EFCAB11: variants seen among roughly 807,000 people sequenced by gnomAD.
The protein encoded by EFCAB11 is EF-hand calcium binding domain 11, also known as EF-hand calcium-binding domain-containing protein 11.
EFCAB11 carries 14 observed loss-of-function variants against 23.0 expected under a neutral mutation model. The observed-to-expected ratio is 0.61, with a 90% CI of 0.40 to 0.95. EFCAB11 has a LOEUF of 0.95. EFCAB11 is among the 40% of genes least tolerant of loss of function. The pLI is 0.00. For missense variants in EFCAB11, 198 were observed against 195.8 expected (o/e 1.01, Z -0.07); for synonymous variants, 65 against 66.6 (o/e 0.98, Z 0.11).
intron 5 of EFCAB11, among the ~76,000 whole-genome samples, chr14:89,815,074 G>C (rs1384410475): frequency 1.3e-5 from 2 of 152,166 alleles, no homozygotes; most frequent in Non-Finnish European, 2.9e-5. Context: ...TTGGTGTGCA[G>C]TTAGCTTAAA....
At chr14:89,868,852 G>A (rs1022632499) in intron 5 of EFCAB11, among the ~76,000 whole-genome samples, 1 of 152,136 alleles carries the variant, frequency 6.6e-6, no homozygotes, top group Admixed American at 6.5e-5. Context: ...GAGCATAACA[G>A]ACACCAAAAT....
In EFCAB11 at chr14:89,953,159, T is replaced by C. The variant is rs957523127; in HGVS notation, c.171+747A>G. On this transcript the variant is annotated intron_variant, in intron 2 of 5. Coordinates refer to ENST00000316738, the MANE Select transcript of EFCAB11 (RefSeq NM_145231.4). ...CTTCTAGGAACTTATTCCACAGATA[T>C]ACAGCCACAAGGACATAAATGTGTG... 5.3e-5 allele frequency among the ~76,000 whole-genome samples: 8 copies of C among 149,694 alleles called. No homozygotes were observed. In the East Asian group the frequency reaches 5.9e-4, roughly 11 times the overall value.
chr14:89,840,861 T>C (rs1887238639), intron 5 of EFCAB11, among the ~76,000 whole-genome samples: 1 of 152,228 alleles, frequency 6.6e-6, no homozygotes, highest in Admixed American at 6.5e-5. Flanking sequence ...AATATTATTG[T>C]TGAGAATAAA....
chr14:89,940,330 C>T (rs1030342788), intron 3 of EFCAB11, among the ~76,000 whole-genome samples: 3 of 151,982 alleles, frequency 2.0e-5, no homozygotes, highest in Non-Finnish European at 4.4e-5. Context: ...TCCATAGGAG[C>T]CAAAATAAAA....
At chr14:89,827,084 G>T (rs1596385898) in intron 5 of EFCAB11, among the ~76,000 whole-genome samples, 2 of 152,150 alleles carry the variant, frequency 1.3e-5, no homozygotes, top group South Asian at 4.1e-4. Flanking sequence ...AAAAGAAATA[G>T]GTTAGACAGG....
At chr14:89,891,789 C>A (rs1400096266) in intron 5 of EFCAB11, among the ~76,000 whole-genome samples, 1 of 152,126 alleles carries the variant, frequency 6.6e-6, no homozygotes, top group Non-Finnish European at 1.5e-5. Context: ...GATAGGGACG[C>A]GGCCATGGAG....
chr14:89,826,100 T>C (rs146230295), intron 5 of EFCAB11, among the ~76,000 whole-genome samples: 1 of 152,294 alleles, frequency 6.6e-6, no homozygotes, highest in Non-Finnish European at 1.5e-5. Context: ...TACATATATA[T>C]GTAAGCTCTG....
intron 2 of EFCAB11, among the ~76,000 whole-genome samples, chr14:89,950,586 A>T (rs1232266995): frequency 2.0e-5 from 3 of 152,190 alleles, no homozygotes; most frequent in South Asian, 2.1e-4. Flanking sequence ...GAAGAAAATT[A>T]AAAAATCAGC....
intron 5 of EFCAB11, among the ~76,000 whole-genome samples, chr14:89,803,864 C>T (rs1397394031): frequency 6.6e-6 from 1 of 152,158 alleles, no homozygotes; most frequent in African/African-American, 2.4e-5. Flanking sequence ...CTGCAGGGCT[C>T]TACAGCAATT....
intron 3 of EFCAB11, among the ~76,000 whole-genome samples, chr14:89,944,866 TAATAA>T (rs1054892626): frequency 1.3e-5 from 2 of 149,692 alleles, no homozygotes; most frequent in South Asian, 2.1e-4. Context: ...TTAATAAATC[TAATAA>T]AATATTAGAT....
intron 5 of EFCAB11, among the ~76,000 whole-genome samples, chr14:89,877,549 T>G (rs1373572107): frequency 2.0e-5 from 3 of 152,200 alleles, no homozygotes; most frequent in Non-Finnish European, 4.4e-5. Flanking sequence ...ATTTAAAAAT[T>G]TCTAAATTTG....
intron 5 of EFCAB11, among the ~76,000 whole-genome samples, chr14:89,905,988 T>C (rs1220904274): frequency 2.0e-5 from 3 of 152,066 alleles, no homozygotes; most frequent in Admixed American, 2.0e-4. Context: ...TATGGTGAAC[T>C]CAAGGTGACA....
rs1436598177 is a variant in EFCAB11 at position 89,953,906 on chromosome 14, C to T, written c.171G>A (p.Lys57=). The change falls in exon 2 of 6, where the codon AAG becomes AAA. Residue 57 remains lysine (K), a splice_region_variant and synonymous_variant. Transcript: ENST00000316738. ...CCCCAAATATATAAGAAAGCTCTAC[C>T]TTGGAGGGCTTGTACCCAAACAGCA... ...VVMLFGYKPS[K]IEVDSVMSSI... 3 of 1,612,746 alleles carry T rather than the reference C, an allele frequency of 1.9e-6. No homozygotes were observed. The highest frequency in any genetic ancestry group is 2.5e-6 in the Non-Finnish European group (3 of 1,179,534).
chr14:89,913,766 T>C (rs1889751939), intron 5 of EFCAB11, among the ~76,000 whole-genome samples: 1 of 152,056 alleles, frequency 6.6e-6, no homozygotes, highest in African/African-American at 2.4e-5. Context: ...ACTATCAGAG[T>C]TTTTCAAAGT....
chr14:89,936,881 C>T (rs1012459898), intron 3 of EFCAB11, among the ~76,000 whole-genome samples: 1 of 152,184 alleles, frequency 6.6e-6, no homozygotes, highest in Non-Finnish European at 1.5e-5. Context: ...ACATTCAAAC[C>T]TAAAATTACC....
intron 5 of EFCAB11, among the ~76,000 whole-genome samples, chr14:89,833,693 A>G (rs1197314413): frequency 6.6e-6 from 1 of 152,224 alleles, no homozygotes; most frequent in Non-Finnish European, 1.5e-5. Flanking sequence ...GTTTAATCAA[A>G]TTTATCCAGG....
At chr14:89,818,074 G>A (rs1886390807) in intron 5 of EFCAB11, among the ~76,000 whole-genome samples, 1 of 151,858 alleles carries the variant, frequency 6.6e-6, no homozygotes, top group African/African-American at 2.4e-5. Context: ...AGGTAAATAT[G>A]GATATGAAAT....
intron 5 of EFCAB11, among the ~76,000 whole-genome samples, chr14:89,870,434 C>T (rs1284947973): frequency 6.6e-6 from 1 of 152,084 alleles, no homozygotes; most frequent in South Asian, 2.1e-4. Context: ...CTACTAAAGC[C>T]ATATAAGAAT....
intron 5 of EFCAB11, among the ~76,000 whole-genome samples, chr14:89,915,039 A>G (rs142237635): frequency 6.6e-6 from 1 of 152,144 alleles, no homozygotes; most frequent in Admixed American, 6.5e-5. Context: ...TTAAAAAAAA[A>G]CACATAGTAA....
Sources: gnomAD v4.1 joint callset for allele counts (sites outside exome capture counted in the v4.1 genomes callset) on GRCh38, gnomAD v4.1.1 for gene constraint, MANE v1.5 for transcripts, NCBI Gene and HGNC (gene_info 2026-07-23, HGNC 2026-07-21) for gene names.